Variants in NYAP1 observed in about 807,000 individuals in gnomAD.
NYAP1 encodes the protein neuronal tyrosine phosphorylated phosphoinositide-3-kinase adaptor 1.
Under a neutral mutation model 58.6 loss-of-function variants are expected in NYAP1, and 20 were observed. That is an observed-to-expected ratio of 0.34 (90% CI 0.24 to 0.50). The LOEUF is 0.50. Among genes scored for constraint, NYAP1 ranks in the 20% least tolerant of loss-of-function variants. The probability of loss-of-function intolerance (pLI) is 0.98; values close to 1 mark genes in which losing one functional copy is unlikely to be tolerated. For missense variants in NYAP1, 1,150 were observed against 1,194.5 expected (o/e 0.96, Z 0.55); for synonymous variants, 572 against 523.1 (o/e 1.09, Z -1.27).
At position 100,487,195 on chromosome 7, in the gene NYAP1, CT is replaced by C; in HGVS notation, c.430+14del. ...AGCAAGAAAGCAGGTGAGATACCCCCTATCTCTCCCTGGGGTGGAGCTGGGA... is the reference window on the plus strand; with the variant it reads ...AGCAAGAAAGCAGGTGAGATACCCCCATCTCTCCCTGGGGTGGAGCTGGGA... On this transcript the variant is annotated intron_variant, in intron 3 of 6. Transcript: ENST00000300179. This position sits in a 1 kb window ranked among gnomAD's most constrained non-coding sequence, Gnocchi z 4.1. 1 of 1,481,244 alleles carries C rather than the reference CT, an allele frequency of 6.8e-7. No individual in the cohort carries two copies. Among genetic ancestry groups the C allele is most frequent in the South Asian group, 1.4e-5 (1 of 70,104 alleles). 91.8% of individuals were successfully genotyped at this position (1,481,244 alleles called of 1,614,324 possible). A position where few individuals can be genotyped will look rare whatever the true frequency, so the allele number is the denominator to read the frequency against.
At position 100,491,111 on chromosome 7, in the gene NYAP1, T is replaced by C. The variant is rs1396604854; in HGVS notation, c.2268+16T>C. On this transcript the variant is annotated intron_variant, in intron 6 of 6. Transcript: ENST00000300179. ...CCTGAGCCAGGTGAGGCTTGGTTTT[T>C]CTTTTATTTGTGAAGGAGCAGGTGG... The C allele has an allele frequency of 6.7e-7, 1 of 1,502,118 alleles. No individual in the cohort carries two copies. The highest frequency in any genetic ancestry group is 1.4e-5 in the African/African-American group (1 of 71,768). The allele number at this position is 1,502,118 out of a possible 1,614,324, so 93.0% of individuals were successfully genotyped here.
intron 6 of NYAP1, among the ~76,000 whole-genome samples, chr7:100,492,026 G>T (rs1799802396): frequency 6.6e-6 from 1 of 151,780 alleles, no homozygotes; most frequent in Non-Finnish European, 1.5e-5. Context: ...CAGTGGCCTG[G>T]GCAACAGAGA....
Position 100,489,401 on chromosome 7 carries a change from A to G in NYAP1, c.1680A>G (p.Arg560=). The G allele has an allele frequency of 6.2e-7, 1 of 1,612,160 alleles. No individual in the cohort carries two copies. Among genetic ancestry groups the G allele is most frequent in the Non-Finnish European group, 8.5e-7 (1 of 1,179,814 alleles). Reference sequence around the variant, plus strand: ...CAGCCACAGCAGCTGGGCTCAAGAGACCCCCTGCCTATGAGAGCCTCAAGG... The same window carrying G: ...CAGCCACAGCAGCTGGGCTCAAGAGGCCCCCTGCCTATGAGAGCCTCAAGG... ...TYPATAAGLK[R]PPAYESLKAG... is the part of the protein sequence containing the mutation. Residue 560 remains arginine, a synonymous_variant, in exon 4 of 7, where the codon AGA becomes AGG. Coordinates refer to ENST00000300179, the MANE Select transcript of NYAP1 (RefSeq NM_173564.4).
chr7:100,492,199 A>G (rs1011957726), intron 6 of NYAP1, among the ~76,000 whole-genome samples: 1 of 151,660 alleles, frequency 6.6e-6, no homozygotes. Context: ...AGATCATGCC[A>G]CTGCACTCCA....
At position 100,493,946 on chromosome 7, in the gene NYAP1, C is replaced by T. The variant is rs1799835203; in HGVS notation, c.*43C>T. On this transcript the variant is annotated 3_prime_UTR_variant, in exon 7 of 7. Transcript: ENST00000300179. ...CGGGGCGCCTGGACTGGGGAGGGGGCGGGCACGCCTGGCTCTCCCGGGAGC... is the reference window on the plus strand; with the variant it reads ...CGGGGCGCCTGGACTGGGGAGGGGGTGGGCACGCCTGGCTCTCCCGGGAGC... The T allele has an allele frequency of 2.2e-6, 3 of 1,374,286 alleles. No homozygotes were observed. Among genetic ancestry groups the T allele is most frequent in the South Asian group, 1.6e-5 (1 of 64,342 alleles). The allele number at this position is 1,374,286 out of a possible 1,614,324, so 85.1% of individuals were successfully genotyped here.
Position 100,494,191 on chromosome 7 carries a change from A to C in NYAP1, c.*288A>C. 2.7e-6 allele frequency: 1 copy of C among 374,378 alleles called. No homozygotes were observed. Among genetic ancestry groups the C allele is most frequent in the Non-Finnish European group, 4.8e-6 (1 of 209,686 alleles). 23.2% of individuals were successfully genotyped at this position (374,378 alleles called of 1,614,324 possible). A position where few individuals can be genotyped will look rare whatever the true frequency, so the allele number is the denominator to read the frequency against. On this transcript the variant is annotated 3_prime_UTR_variant, in exon 7 of 7. Transcript: ENST00000300179. ...TGGGCGTTGTACACCCCTCCTCCTG[A>C]ACCAAGCCAGAGGTCAGCATGGGGA... is the stretch of plus-strand genomic sequence containing the variant.
In NYAP1 at chr7:100,493,830, G is replaced by A; in HGVS notation, c.2453G>A (p.Gly818Glu). ...CCCATCCTCCCCAGCTGGCGGCGGG[G>A]ACCCGAGCCCCGCAAGTCCGGCACC... is the stretch of plus-strand genomic sequence containing the variant. ...SMPILPSWRRGPEPRKSGTPP... is the reference protein window; with the variant it reads ...SMPILPSWRREPEPRKSGTPP... Residue 818 changes from glycine to glutamate, a missense_variant, in exon 7 of 7, where the codon GGA (glycine) becomes GAA (glutamate). Gly to Glu is a moderately conservative substitution (Grantham distance 98, BLOSUM62 -2). Transcript: ENST00000300179. 6.4e-7 allele frequency: 1 copy of A among 1,574,742 alleles called. No individual in the cohort carries two copies.
Position 100,489,313 on chromosome 7 carries a change from T to C in NYAP1, c.1592T>C (p.Leu531Pro), listed in dbSNP as rs1163600703. Residue 531 changes from leucine (L) to proline (P), a missense_variant, in exon 4 of 7, where the codon CTG becomes CCG. By Grantham distance (98) the Leu-to-Pro change is moderately conservative (BLOSUM62 -3). Coordinates refer to ENST00000300179, the MANE Select transcript of NYAP1 (RefSeq NM_173564.4). ...GGGGTCCTCCACCACCGCGGCTGCC[T>C]GGCCTCCCCCCACAGCCTTCCGGAC... ...AAGVLHHRGC[L>P]ASPHSLPDPT... 1.0e-5 allele frequency: 16 copies of C among 1,603,138 alleles called. No homozygotes were observed. The highest frequency in any genetic ancestry group is 1.4e-5 in the Non-Finnish European group (16 of 1,175,648).
Position 100,486,091 on chromosome 7 carries a change from A to G in NYAP1, c.68+712A>G, listed in dbSNP as rs567568603. Among the ~76,000 whole-genome samples the G allele has an allele frequency of 6.6e-4, 101 of 152,300 alleles. 1 individual carries two copies. The highest frequency in any genetic ancestry group is 2.3e-3 in the African/African-American group (94 of 41,554). ...ATTCTTGTTGTTAATTAGATTAATC[A>G]GAGTGATCGCTGCAGCGATCTCTCC... On this transcript the variant is annotated intron_variant, in intron 2 of 6. Transcript: ENST00000300179. The surrounding 1 kb of genome is among the most constrained non-coding windows in gnomAD (Gnocchi z 6.2).
chr7:100,489,837 G>A (rs1445024549), intron 4 of NYAP1, among the ~76,000 whole-genome samples, 171 bp downstream of exon 4: 3 of 152,144 alleles, frequency 2.0e-5, no homozygotes, highest in African/African-American at 7.2e-5. Flanking sequence ...CAGAAAGACC[G>A]GGGTCCCCCA....
chr7:100,493,663 G>A lies in NYAP1; in HGVS notation c.2286G>A (p.Pro762=), dbSNP rs1313594084. The A allele has an allele frequency of 2.5e-6, 4 of 1,582,920 alleles. No homozygotes were observed. Among genetic ancestry groups the A allele is most frequent in the Non-Finnish European group, 3.4e-6 (4 of 1,170,286 alleles). Residue 762 remains proline (P), a synonymous_variant, in exon 7 of 7, where the codon CCG becomes CCA. Coordinates refer to ENST00000300179, the MANE Select transcript of NYAP1 (RefSeq NM_173564.4). ...CGGCACAGCCCCACCCCGCGCTGCCGCTGCCTCTGCCCCTGCCGCCCCAGC... is the reference window on the plus strand; with the variant it reads ...CGGCACAGCCCCACCCCGCGCTGCCACTGCCTCTGCCCCTGCCGCCCCAGC... ...DALSQPHPAL[P]LPLPLPPQPA...
Position 100,485,014 on chromosome 7 carries a change from C to T in NYAP1, c.-84-214C>T, listed in dbSNP as rs376448800. On this transcript the variant is annotated intron_variant, in intron 1 of 6. Transcript: ENST00000300179. The surrounding 1 kb of genome is among the most constrained non-coding windows in gnomAD (Gnocchi z 5.7). ...AAGGGAATCTGTGTTGACCTGGTCTCTCCAGAGTGTGTATTTGGGGCTCTG... is the reference window on the plus strand; with the variant it reads ...AAGGGAATCTGTGTTGACCTGGTCTTTCCAGAGTGTGTATTTGGGGCTCTG... 1.4e-3 allele frequency among the ~76,000 whole-genome samples: 206 copies of T among 152,118 alleles called. 1 individual carries two copies. Among genetic ancestry groups the T allele is most frequent in the African/African-American group, 4.8e-3 (197 of 41,470 alleles).
intron 6 of NYAP1, among the ~76,000 whole-genome samples, chr7:100,492,212 C>T (rs1407630457): frequency 6.6e-6 from 1 of 151,490 alleles, no homozygotes; most frequent in Non-Finnish European, 1.5e-5. Flanking sequence ...GCACTCCAGC[C>T]TGGGCGACAG....
Position 100,486,979 on chromosome 7 carries a change from G to A in NYAP1, c.227G>A (p.Ser76Asn). ...SQEHTPHPCR[S>N]AMAPRSLSCH... The stretch of plus-strand genomic sequence containing the variant: ...GAGCACACCCCGCACCCCTGCCGCA[G>A]CGCCATGGCCCCACGCTCCCTCTCC... Residue 76 changes from serine to asparagine, a missense_variant, in exon 3 of 7, where the codon AGC becomes AAC. By Grantham distance (46) the Ser-to-Asn change is conservative. Coordinates refer to ENST00000300179, the MANE Select transcript of NYAP1 (RefSeq NM_173564.4). This position sits in a 1 kb window ranked among gnomAD's most constrained non-coding sequence, Gnocchi z 6.2. 6.2e-7 allele frequency: 1 copy of A among 1,608,096 alleles called. No individual in the cohort carries two copies. Among genetic ancestry groups the A allele is most frequent in the Non-Finnish European group, 8.5e-7 (1 of 1,177,882 alleles).
rs749709910 is a variant in NYAP1, at chr7:100,490,681, G to A, written c.2110G>A (p.Ala704Thr). The A allele has an allele frequency of 6.5e-6, 10 of 1,548,580 alleles. No individual in the cohort carries two copies. Among genetic ancestry groups the A allele is most frequent in the Middle Eastern group, 1.8e-4 (1 of 5,708 alleles). ...HHGDRGGSRTALPIPCQTFPA... is the reference protein window; with the variant it reads ...HHGDRGGSRTTLPIPCQTFPA... ...TGGAGACCGAGGAGGGAGCCGCACC[G>A]CGCTGCCCATTCCCTGCCAGACCTT... Residue 704 changes from alanine to threonine, a missense_variant, in exon 5 of 7, where the codon GCG becomes ACG. Transcript: ENST00000300179. This position sits in a 1 kb window ranked among gnomAD's most constrained non-coding sequence, Gnocchi z 4.6.
In NYAP1 at chr7:100,485,184, C is replaced by A; in HGVS notation, c.-84-44C>A. The stretch of plus-strand genomic sequence containing the variant: ...TCATTCATCCCTGGCCCCCACCCAT[C>A]CCACCTTTCTTTTTTTTCCGTTCTC... On this transcript the variant is annotated intron_variant, in intron 1 of 6. Transcript: ENST00000300179. This position sits in a 1 kb window ranked among gnomAD's most constrained non-coding sequence, Gnocchi z 5.7. 2 of 604,564 alleles carry A rather than the reference C, an allele frequency of 3.3e-6. No homozygotes were observed. Among genetic ancestry groups the A allele is most frequent in the Non-Finnish European group, 6.0e-6 (2 of 331,212 alleles). 37.4% of individuals were successfully genotyped at this position (604,564 alleles called of 1,614,324 possible).
At chr7:100,489,805 A>T in intron 4 of NYAP1, 139 bp downstream of exon 4, 46 of 551,014 alleles carry the variant, frequency 8.3e-5, no homozygotes, top group East Asian at 1.8e-4. Flanking sequence ...AGGAGACCAG[A>T]GAGGTGGGGG....
At chr7:100,492,392 G>A (rs755667607) in intron 6 of NYAP1, among the ~76,000 whole-genome samples, 2 of 152,302 alleles carry the variant, frequency 1.3e-5, no homozygotes, top group South Asian at 4.1e-4. Context: ...TTGGAGATCA[G>A]TCAGGGCCAC....
intron 4 of NYAP1, 88 bp downstream of exon 4, chr7:100,489,754 G>T: frequency 9.0e-7 from 1 of 1,109,448 alleles, no homozygotes; most frequent in African/African-American, 1.6e-5. Context: ...GTGTTGGAGG[G>T]GTTATTTGGA....
Sources: allele counts gnomAD v4.1 joint callset (sites outside exome capture counted in the v4.1 genomes callset), GRCh38; gene constraint gnomAD v4.1.1; non-coding constraint Gnocchi (gnomAD v3.1); transcripts MANE v1.5; gene names NCBI Gene and HGNC (gene_info 2026-07-23, HGNC 2026-07-21).